The following SGCZ variants were observed in gnomAD, a reference collection of about 807,000 sequenced individuals.
SGCZ encodes the protein zeta-sarcoglycan.
In SGCZ, 40 loss-of-function variants were observed where a neutral mutation model predicts 41.3. The observed-to-expected ratio is 0.97, with a 90% CI of 0.75 to 1.26. SGCZ has a LOEUF of 1.26. SGCZ is among the 50% of genes most tolerant of loss of function. SGCZ has a pLI of 0.00. For synonymous variants in SGCZ, 206 were observed against 137.5 expected (o/e 1.50, Z -3.49); for missense variants, 552 against 369.8 (o/e 1.49, Z -4.04).
intron 1 of SGCZ, among the ~76,000 whole-genome samples, chr8:15,235,532 G>T (rs1397086902): frequency 6.6e-6 from 1 of 152,134 alleles, no homozygotes; most frequent in African/African-American, 2.4e-5. Flanking sequence ...ACCCTCTGCT[G>T]CCAGAGCACT....
chr8:14,589,430 A>G (rs1295894408), intron 1 of SGCZ, among the ~76,000 whole-genome samples: 1 of 152,100 alleles, frequency 6.6e-6, no homozygotes, highest in East Asian at 1.9e-4. Context: ...AAACTTAATG[A>G]CATTCACCAG....
chr8:15,205,410 A>G (rs1801026831), intron 1 of SGCZ, among the ~76,000 whole-genome samples: 1 of 152,190 alleles, frequency 6.6e-6, no homozygotes, highest in Admixed American at 6.6e-5. Flanking sequence ...TTATAAAAGA[A>G]GAACAAACAA....
intron 1 of SGCZ, among the ~76,000 whole-genome samples, chr8:14,857,874 G>T (rs912767564): frequency 2.6e-5 from 4 of 151,864 alleles, no homozygotes; most frequent in African/African-American, 2.4e-5. Context: ...TCAAACAAAA[G>T]AAAAGGAAAG....
chr8:14,486,031 C>T (rs1179998164), intron 2 of SGCZ, among the ~76,000 whole-genome samples: 4 of 151,874 alleles, frequency 2.6e-5, no homozygotes, highest in Non-Finnish European at 4.4e-5. Context: ...TTAGTAGAGA[C>T]GGGGTAGAAC....
chr8:14,402,932 T>C (rs563278092), intron 2 of SGCZ, among the ~76,000 whole-genome samples: 2 of 150,084 alleles, frequency 1.3e-5, no homozygotes, highest in South Asian at 4.2e-4. Flanking sequence ...CATGGAATGT[T>C]CTTCCATTTG....
intron 1 of SGCZ, among the ~76,000 whole-genome samples, chr8:14,599,264 A>G (rs1327474255): frequency 6.6e-6 from 1 of 152,068 alleles, no homozygotes; most frequent in Non-Finnish European, 1.5e-5. Flanking sequence ...CTCCTTACCT[A>G]TTTTTGATGC....
intron 2 of SGCZ, among the ~76,000 whole-genome samples, chr8:14,500,049 T>C (rs1041770516): frequency 1.3e-5 from 2 of 152,064 alleles, no homozygotes; most frequent in Admixed American, 1.3e-4. Flanking sequence ...GTTTAAAACC[T>C]TTAGAGCACC....
At chr8:14,756,721 G>A (rs963640009) in intron 1 of SGCZ, among the ~76,000 whole-genome samples, 13 of 152,172 alleles carry the variant, frequency 8.5e-5, no homozygotes, top group African/African-American at 3.1e-4. Flanking sequence ...TACATATTTT[G>A]CATTAAAAAA....
At chr8:14,912,747 T>A (rs1799314151) in intron 1 of SGCZ, among the ~76,000 whole-genome samples, 1 of 152,082 alleles carries the variant, frequency 6.6e-6, no homozygotes. Context: ...CACCACTCTT[T>A]TGCCAGAATG....
chr8:14,529,438 G>A (rs1362644216), intron 2 of SGCZ, among the ~76,000 whole-genome samples: 1 of 152,142 alleles, frequency 6.6e-6, no homozygotes, highest in Non-Finnish European at 1.5e-5. Context: ...ACATTGTTTA[G>A]CATCTGTTCC....
intron 1 of SGCZ, among the ~76,000 whole-genome samples, chr8:14,620,663 C>A (rs111920658): frequency 0.17 from 25,808 of 152,154 alleles, 2,295 homozygotes; most frequent in Non-Finnish European, 0.2. Context: ...GAAGACATTT[C>A]TGCAGCCAAC....
chr8:15,014,206 G>A (rs1226438449), intron 1 of SGCZ, among the ~76,000 whole-genome samples: 1 of 152,176 alleles, frequency 6.6e-6, no homozygotes, highest in African/African-American at 2.4e-5. Context: ...CTAGTTGTCA[G>A]GATATGCTGG....
intron 1 of SGCZ, among the ~76,000 whole-genome samples, chr8:15,136,710 T>C (rs1808119130): frequency 6.6e-6 from 1 of 152,164 alleles, no homozygotes; most frequent in African/African-American, 2.4e-5. Flanking sequence ...AAGAGGTGCC[T>C]TTAACCATGA....
intron 1 of SGCZ, among the ~76,000 whole-genome samples, chr8:14,915,098 C>T (rs553031859): frequency 6.6e-6 from 1 of 152,228 alleles, no homozygotes; most frequent in Non-Finnish European, 1.5e-5. Flanking sequence ...TTTTTCTACC[C>T]TCTTTCATGA....
At chr8:14,337,229 A>G (rs2117067514) in intron 2 of SGCZ, among the ~76,000 whole-genome samples, 1 of 152,172 alleles carries the variant, frequency 6.6e-6, no homozygotes, top group Middle Eastern at 3.4e-3. Context: ...TTCCTTGTCT[A>G]TCTTTATTCA....
chr8:14,141,794 G>T (rs529883240), intron 5 of SGCZ, among the ~76,000 whole-genome samples: 2 of 152,242 alleles, frequency 1.3e-5, no homozygotes, highest in Admixed American at 1.3e-4. Flanking sequence ...AAAACCATTT[G>T]ACCCAGCCAT....
intron 4 of SGCZ, 78 bp from the exon 5 acceptor site, chr8:14,164,780 G>C: frequency 8.0e-6 from 12 of 1,500,792 alleles, no homozygotes; most frequent in Non-Finnish European, 1.1e-5. Flanking sequence ...AAATAGACTA[G>C]AAATGCATAT....
At chr8:14,990,597 A>C (rs1168394779) in intron 1 of SGCZ, among the ~76,000 whole-genome samples, 1 of 152,040 alleles carries the variant, frequency 6.6e-6, no homozygotes, top group Non-Finnish European at 1.5e-5. Flanking sequence ...CATCACCCCT[A>C]GATGAGACCA....
At chr8:14,774,353 C>A (rs1330350091) in intron 1 of SGCZ, among the ~76,000 whole-genome samples, 1 of 152,146 alleles carries the variant, frequency 6.6e-6, no homozygotes, top group Non-Finnish European at 1.5e-5. Flanking sequence ...ACATACTCAT[C>A]CTATTGATTC....
Sources: gnomAD v4.1 joint callset for allele counts (sites outside exome capture counted in the v4.1 genomes callset) on GRCh38, gnomAD v4.1.1 for gene constraint, MANE v1.5 for transcripts, NCBI Gene and HGNC (gene_info 2026-07-23, HGNC 2026-07-21) for gene names.